The following DNAI4 variants were observed in gnomAD, a reference collection of about 807,000 sequenced individuals.
The protein encoded by DNAI4 is dynein axonemal intermediate chain 4, also known as WD repeat domain 78.
A neutral mutation model predicts 105.8 loss-of-function variants in DNAI4; 85 were observed. The observed-to-expected ratio is 0.80, with a 90% CI of 0.67 to 0.96. The LOEUF (loss-of-function observed/expected upper bound fraction) is 0.96. DNAI4 is among the 40% of genes least tolerant of loss of function. DNAI4 has a pLI of 0.00. For missense variants in DNAI4, 1,014 were observed against 1,005.6 expected (o/e 1.01, Z -0.11); for synonymous variants, 352 against 331.5 (o/e 1.06, Z -0.67).
rs577780920 is a variant in DNAI4, at chr1:66,819,354, T to C, written c.2496+3007A>G. 2.5e-3 allele frequency among the ~76,000 whole-genome samples: 379 copies of C among 152,332 alleles called. 2 individuals carry two copies. The highest frequency in any genetic ancestry group is 7.5e-3 in the African/African-American group (311 of 41,574). On this transcript the variant is annotated intron_variant, in intron 16 of 16. Coordinates refer to ENST00000371026, the MANE Select transcript of DNAI4 (RefSeq NM_024763.5). The stretch of plus-strand genomic sequence containing the variant: ...ACAAAAGCATTCTCTTATTTTCCTT[T>C]TCCTCTTCCCATTCACCTTCCAAAA...
chr1:66,835,868 T>A, intron 10 of DNAI4, 91 bp from the exon 11 acceptor site: 1 of 1,174,780 alleles, frequency 8.5e-7, no homozygotes, highest in Non-Finnish European at 1.2e-6. Context: ...TTGGTGGCAG[T>A]GGGTATGTGA....
chr1:66,847,143 C>G (rs983081702), intron 8 of DNAI4, among the ~76,000 whole-genome samples: 2 of 152,192 alleles, frequency 1.3e-5, no homozygotes, highest in African/African-American at 4.8e-5. Context: ...GCATCCTAGT[C>G]TGGACTCTAG....
At position 66,814,164 on chromosome 1, in the gene DNAI4, G is replaced by C. The variant is rs750714438; in HGVS notation, c.2513C>G (p.Thr838Ser). The C allele has an allele frequency of 6.3e-7, 1 of 1,590,394 alleles. No homozygotes were observed. Among genetic ancestry groups the C allele is most frequent in the Non-Finnish European group, 8.5e-7 (1 of 1,176,726 alleles). Residue 838 changes from threonine to serine, a missense_variant, in exon 17 of 17, where the codon ACT becomes AGT. Coordinates refer to ENST00000371026, the MANE Select transcript of DNAI4 (RefSeq NM_024763.5). ...TTGGTTTGACTTGGATCCAAGCAAA[G>C]TATCCATTATATCTCCCTGAAAAAA... ...LETGRGDIMD[T>S]LLGSKSNQSA is the part of the protein sequence containing the mutation.
intron 9 of DNAI4, among the ~76,000 whole-genome samples, chr1:66,838,692 T>G (rs1646082248): frequency 6.6e-6 from 1 of 152,194 alleles, no homozygotes; most frequent in Non-Finnish European, 1.5e-5. Context: ...CAACGTAATC[T>G]CTCCATAATT....
chr1:66,822,384 G>C lies in DNAI4; in HGVS notation c.2473C>G (p.Pro825Ala), dbSNP rs755437512. The C allele has an allele frequency of 8.7e-6, 14 of 1,607,112 alleles. No individual in the cohort carries two copies. In the East Asian group the frequency reaches 2.5e-4, roughly 28 times the overall value. Reference protein sequence around the residue: ...QVSVYELRNMPTVLETGRGDI... With the variant: ...QVSVYELRNMATVLETGRGDI... ...ACCCGGCCAGTTTCCAAAACAGTAG[G>C]CATATTTCTCAGTTCATACACAGAA... The change falls in exon 16 of 17, where the codon CCT (proline) becomes GCT (alanine). Residue 825 changes from proline to alanine, a missense_variant. Physicochemically the swap from Pro to Ala is conservative, Grantham distance 27. Transcript: ENST00000371026.
chr1:66,847,706 T>C, intron 7 of DNAI4, 28 bp from the exon 8 acceptor site: 22 of 1,490,916 alleles, frequency 1.5e-5, no homozygotes, highest in Non-Finnish European at 2.0e-5. Context: ...GATACAATGA[T>C]AAAATATTCA....
chr1:66,823,300 G>A (rs1011683205), intron 15 of DNAI4, among the ~76,000 whole-genome samples: 3 of 151,200 alleles, frequency 2.0e-5, no homozygotes, highest in African/African-American at 7.3e-5. Context: ...TCTTAATCCA[G>A]TCTATCGTCG....
chr1:66,835,531 A>C, intron 11 of DNAI4, 95 bp downstream of exon 11: 2 of 1,316,220 alleles, frequency 1.5e-6, no homozygotes, highest in South Asian at 2.8e-5. Flanking sequence ...CACTCTCAGT[A>C]ACAACAAAAA....
chr1:66,882,522 CTCTT>C (rs548256317), intron 4 of DNAI4, among the ~76,000 whole-genome samples: 34 of 151,894 alleles, frequency 2.2e-4, no homozygotes, highest in East Asian at 2.1e-3. Flanking sequence ...CTCTCTCTCT[CTCTT>C]TTTTTTTGCA....
intron 1 of DNAI4, 65 bp from the exon 2 acceptor site, chr1:66,905,440 T>TA: frequency 8.9e-7 from 1 of 1,121,132 alleles, no homozygotes. Flanking sequence ...CAACCAACAA[T>TA]AAAAAAGTAG....
intron 15 of DNAI4, among the ~76,000 whole-genome samples, chr1:66,825,581 A>C (rs1277211749): frequency 6.6e-6 from 1 of 152,176 alleles, no homozygotes; most frequent in Non-Finnish European, 1.5e-5. Flanking sequence ...TCGTCATCTA[A>C]AGCAATCTAC....
intron 2 of DNAI4, 36 bp downstream of exon 2, chr1:66,905,165 C>A: frequency 1.4e-6 from 2 of 1,422,958 alleles, no homozygotes; most frequent in Non-Finnish European, 1.9e-6. Context: ...TTCACAGTGC[C>A]ATTTTCAAAT....
intron 5 of DNAI4, among the ~76,000 whole-genome samples, chr1:66,872,330 G>A (rs183521328): frequency 1.7e-3 from 254 of 152,178 alleles, no homozygotes; most frequent in Middle Eastern, 3.4e-3. Context: ...TCAGGTTCAA[G>A]TGATTCTCCT....
chr1:66,836,256 GAAAGAA>G (rs1183802718), intron 10 of DNAI4, among the ~76,000 whole-genome samples: 298 of 14,092 alleles, frequency 0.021, 4 homozygotes, highest in East Asian at 0.055. Context: ...GAGAGAGAGA[GAAAGAA>G]AGAAAGAAAG....
chr1:66,888,377 T>C (rs1647319133), intron 4 of DNAI4, among the ~76,000 whole-genome samples: 1 of 152,124 alleles, frequency 6.6e-6, no homozygotes, highest in Non-Finnish European at 1.5e-5. Context: ...TCATTCATTT[T>C]AGAGGCTGAC....
chr1:66,821,626 T>A (rs1349592232), intron 16 of DNAI4, among the ~76,000 whole-genome samples: 1 of 152,168 alleles, frequency 6.6e-6, no homozygotes, highest in Non-Finnish European at 1.5e-5. Flanking sequence ...GAGGTTGGAT[T>A]TTAAAACATA....
chr1:66,840,739 C>T (rs1646132369), intron 8 of DNAI4, 68 bp from the exon 9 acceptor site: 9 of 1,512,312 alleles, frequency 6.0e-6, no homozygotes, highest in Admixed American at 1.7e-5. Context: ...AGGCTCCAAA[C>T]AGCATATCTA....
At chr1:66,915,714 T>C (rs1490294137) in intron 1 of DNAI4, among the ~76,000 whole-genome samples, 2 of 152,156 alleles carry the variant, frequency 1.3e-5, no homozygotes, top group Non-Finnish European at 2.9e-5. Flanking sequence ...ATTTAAAGGT[T>C]ATATATAAAA....
intron 8 of DNAI4, among the ~76,000 whole-genome samples, chr1:66,842,060 C>T (rs1200145984): frequency 6.6e-6 from 1 of 152,150 alleles, no homozygotes; most frequent in Non-Finnish European, 1.5e-5. Flanking sequence ...TTTCCCAAAA[C>T]GTTATATAGT....
Sources: gnomAD v4.1 joint callset for allele counts (sites outside exome capture counted in the v4.1 genomes callset) on GRCh38, gnomAD v4.1.1 for gene constraint, MANE v1.5 for transcripts, NCBI Gene and HGNC (gene_info 2026-07-23, HGNC 2026-07-21) for gene names.